DENND4A: variants seen among roughly 807,000 people sequenced by gnomAD.
DENND4A encodes the protein C-myc promoter-binding protein.
In DENND4A, 70 loss-of-function variants were observed where a neutral mutation model predicts 199.3. The observed-to-expected ratio is 0.35, with a 90% CI of 0.29 to 0.43. DENND4A has a LOEUF of 0.43. Ranked by LOEUF, DENND4A falls within the 20% of genes least tolerant of loss-of-function variation. The pLI is 1.00. For synonymous variants in DENND4A, 686 were observed against 766.9 expected (o/e 0.89, Z 1.74); for missense variants, 1,723 against 2,255.8 (o/e 0.76, Z 4.78).
At chr15:65,713,049 G>T (rs2075294178) in intron 14 of DENND4A, among the ~76,000 whole-genome samples, 1 of 151,924 alleles carries the variant, frequency 6.6e-6, no homozygotes, top group South Asian at 2.1e-4. Flanking sequence ...CAATCATCTG[G>T]GAATTAACAT....
chr15:65,665,013 A>C, intron 30 of DENND4A: 1 of 457,536 alleles, frequency 2.2e-6, no homozygotes, highest in East Asian at 3.3e-5. Context: ...GAAACAAATA[A>C]AAAATAAGTA....
At chr15:65,785,325 GAAA>G (rs756956171) in intron 1 of DENND4A, among the ~76,000 whole-genome samples, 1 of 129,506 alleles carries the variant, frequency 7.7e-6, no homozygotes. Flanking sequence ...GTCTCTACAA[GAAA>G]AAAAAAAAAA....
At chr15:65,722,778 A>G in intron 12 of DENND4A, 70 bp downstream of exon 12, 2 of 1,179,002 alleles carry the variant, frequency 1.7e-6, no homozygotes, top group Non-Finnish European at 2.3e-6. Flanking sequence ...ATTCTTTTAT[A>G]AGTAAGGCAA....
At chr15:65,719,865 A>G (rs2075555306) in intron 12 of DENND4A, among the ~76,000 whole-genome samples, 1 of 152,136 alleles carries the variant, frequency 6.6e-6, no homozygotes, top group African/African-American at 2.4e-5. Context: ...ACTGCACTCC[A>G]GCCTGGGTGA....
chr15:65,739,853 T>C (rs1444893284), intron 5 of DENND4A, among the ~76,000 whole-genome samples: 6 of 152,046 alleles, frequency 3.9e-5, no homozygotes, highest in Admixed American at 3.9e-4. Context: ...GGTCATGAGG[T>C]AATTAATAAA....
chr15:65,668,133 T>G lies in DENND4A; in HGVS notation c.4788-10A>C. ...CTGCAGTTTAGATTTGCTTGGGAAT[T>G]GAAAAAAGAAGAAAGTGTATCAGTG... On this transcript the variant is annotated splice_polypyrimidine_tract_variant and intron_variant, in intron 27 of 32. Coordinates refer to ENST00000443035, the MANE Select transcript of DENND4A (RefSeq NM_001320835.1). 6.4e-7 allele frequency: 1 copy of G among 1,562,052 alleles called. No individual in the cohort carries two copies. The highest frequency in any genetic ancestry group is 1.2e-5 in the South Asian group (1 of 83,416).
In DENND4A at chr15:65,676,574, A is replaced by T; in HGVS notation, c.4240T>A (p.Ser1414Thr). ...SVGAQDSEST[S>T]LTDEDVCHEL... is the part of the protein sequence containing the mutation. ...TGGCAGACATCTTCATCTGTTAAAG[A>T]GGTAGATTCAGAATCCTGGGCTCCC... The change falls in exon 24 of 33, where the codon TCT (serine) becomes ACT (threonine). Residue 1414 changes from serine (S) to threonine (T), a missense_variant. Around this residue, in one of 6 missense-constraint regions of DENND4A, gnomAD observed 650 missense variants for 738.1 expected, o/e 0.88. Coordinates refer to ENST00000443035, the MANE Select transcript of DENND4A (RefSeq NM_001320835.1). 1.2e-6 allele frequency: 2 copies of T among 1,613,636 alleles called. No individual in the cohort carries two copies. Among genetic ancestry groups the T allele is most frequent in the Non-Finnish European group, 1.7e-6 (2 of 1,179,742 alleles).
At position 65,772,204 on chromosome 15, in the gene DENND4A, G is replaced by C. The variant is rs1402842101; in HGVS notation, c.-101-10766C>G. On this transcript the variant is annotated intron_variant, in intron 1 of 32. Coordinates refer to ENST00000443035, the MANE Select transcript of DENND4A (RefSeq NM_001320835.1). ...AACACCATTATCACTTCAATGTTTGGTGACTTAAAGGTCTAGAGACAGGAA... is the reference window on the plus strand; with the variant it reads ...AACACCATTATCACTTCAATGTTTGCTGACTTAAAGGTCTAGAGACAGGAA... The C allele has an allele frequency of 4.8e-6, 3 of 628,784 alleles. No homozygotes were observed. In the African/African-American group the frequency reaches 5.6e-5, roughly 12 times the overall value. The allele number at this position is 628,784 out of a possible 1,614,324, so 39.0% of individuals were successfully genotyped here.
At chr15:65,705,962 G>C in intron 15 of DENND4A, 129 bp downstream of exon 15, 1 of 1,326,964 alleles carries the variant, frequency 7.5e-7, no homozygotes, top group Non-Finnish European at 9.7e-7. Context: ...GGATAAGCTT[G>C]CTTACCACCT....
chr15:65,777,296 C>T (rs2077308266), intron 1 of DENND4A, among the ~76,000 whole-genome samples: 1 of 152,128 alleles, frequency 6.6e-6, no homozygotes, highest in African/African-American at 2.4e-5. Context: ...AGCATCTTTG[C>T]CTAATGGGAA....
rs777940405 is a variant in DENND4A at position 65,691,251 on chromosome 15, T to TAAC, written c.3340_3342dup (p.Val1114dup). 6.2e-7 allele frequency: 1 copy of TAAC among 1,613,314 alleles called. No individual in the cohort carries two copies. The highest frequency in any genetic ancestry group is 1.3e-5 in the African/African-American group (1 of 75,030). On this transcript the variant is annotated inframe_insertion, in exon 23 of 33. Transcript: ENST00000443035. ...GTATTTGGTCTCGTGCTTTTTGAGA[T>TAAC]AACATTTGAAAGAATTTTTGCATCA...
chr15:65,750,949 T>TA (rs1185403126), intron 4 of DENND4A, among the ~76,000 whole-genome samples: 2 of 152,156 alleles, frequency 1.3e-5, no homozygotes, highest in African/African-American at 4.8e-5. Flanking sequence ...ATCAGTTAGA[T>TA]AAAAAACTAT....
Position 65,702,527 on chromosome 15 carries a change from A to G in DENND4A, c.2224-16T>C. The G allele has an allele frequency of 8.4e-6, 13 of 1,548,836 alleles. No homozygotes were observed. The highest frequency in any genetic ancestry group is 1.1e-5 in the Non-Finnish European group (13 of 1,142,930). ...ATTTAATTTCCTGGAAAAAATATAA[A>G]GATCTTACTAATAAATTTATGCACT... On this transcript the variant is annotated splice_polypyrimidine_tract_variant and intron_variant, in intron 16 of 32. Transcript: ENST00000443035.
chr15:65,676,141 A>AAAAAAATATATATAT (rs1362535499), intron 24 of DENND4A, among the ~76,000 whole-genome samples: 1 of 110,452 alleles, frequency 9.1e-6, no homozygotes, highest in African/African-American at 3.0e-5. Context: ...AATAAGGAAA[A>AAAAAAATATATATAT]ATATATATAT....
chr15:65,665,769 T>A (rs942302598), intron 29 of DENND4A, among the ~76,000 whole-genome samples: 23 of 152,124 alleles, frequency 1.5e-4, no homozygotes, highest in African/African-American at 4.6e-4. Flanking sequence ...AGGAGTCCCA[T>A]CCTATATCAT....
intron 1 of DENND4A, among the ~76,000 whole-genome samples, chr15:65,774,061 T>C (rs1043980392): frequency 6.6e-6 from 1 of 152,202 alleles, no homozygotes; most frequent in African/African-American, 2.4e-5. Context: ...AATACTGATA[T>C]AAAATGTTTT....
intron 4 of DENND4A, among the ~76,000 whole-genome samples, chr15:65,748,064 G>GA (rs1555431499): frequency 3.1e-5 from 3 of 97,066 alleles, no homozygotes; most frequent in African/African-American, 4.1e-5. Flanking sequence ...AAAAAAAAAA[G>GA]GAAAAAAAAA....
At chr15:65,743,994 G>C (rs1490629679) in intron 4 of DENND4A, among the ~76,000 whole-genome samples, 1 of 152,090 alleles carries the variant, frequency 6.6e-6, no homozygotes, top group Non-Finnish European at 1.5e-5. Context: ...CAGTTAAAAG[G>C]TCACTCTGAG....
At chr15:65,764,000 TACTG>T (rs1353005758) in intron 1 of DENND4A, among the ~76,000 whole-genome samples, 1 of 152,200 alleles carries the variant, frequency 6.6e-6, no homozygotes, top group Non-Finnish European at 1.5e-5. Flanking sequence ...CTAGTAAAAA[TACTG>T]TATGTATATA....
Sources: allele counts gnomAD v4.1 joint callset (sites outside exome capture counted in the v4.1 genomes callset), GRCh38; gene constraint gnomAD v4.1.1; regional missense constraint gnomAD v4.1.1; transcripts MANE v1.5; gene names NCBI Gene and HGNC (gene_info 2026-07-23, HGNC 2026-07-21).